The following CDON variants were observed in gnomAD, a reference collection of about 807,000 sequenced individuals.
CDON encodes the protein cell adhesion molecule-related/down-regulated by oncogenes.
CDON carries 73 observed loss-of-function variants against 120.9 expected under a neutral mutation model. The ratio of observed to expected loss-of-function variants is 0.60; its 90% confidence interval spans 0.50 to 0.73. CDON has a LOEUF of 0.73. CDON is among the 30% of genes least tolerant of loss of function. The probability of loss-of-function intolerance (pLI) is 0.00; values close to 1 mark genes in which losing one functional copy is unlikely to be tolerated. For synonymous variants in CDON, 566 were observed against 573.5 expected (o/e 0.99, Z 0.19); for missense variants, 1,470 against 1,587.3 (o/e 0.93, Z 1.26).
chr11:126,007,915 G>C (rs1440086057), intron 8 of CDON, among the ~76,000 whole-genome samples: 2 of 152,172 alleles, frequency 1.3e-5, no homozygotes, highest in Non-Finnish European at 2.9e-5. Flanking sequence ...GAAATGGGTA[G>C]AACAGGCATC....
At chr11:126,023,365 A>T (rs1947691593) in intron 2 of CDON, 36 bp downstream of exon 2, 1 of 1,331,056 alleles carries the variant, frequency 7.5e-7, no homozygotes, top group African/African-American at 1.4e-5. Context: ...AAGATGAGTA[A>T]AGGCCAAACC....
intron 9 of CDON, 188 bp downstream of exon 9, chr11:126,005,571 T>C (rs1947096545): frequency 4.8e-6 from 3 of 621,662 alleles, no homozygotes; most frequent in East Asian, 5.5e-5. Flanking sequence ...GGGGAAATTA[T>C]ACTTCATTCT....
intron 6 of CDON, 73 bp downstream of exon 6, chr11:126,017,015 G>C: frequency 8.1e-7 from 1 of 1,238,864 alleles, no homozygotes; most frequent in Non-Finnish European, 1.2e-6. Flanking sequence ...TTCACAAATA[G>C]ATCTTTCCTT....
intron 14 of CDON, among the ~76,000 whole-genome samples, chr11:125,992,052 G>C (rs1366219064): frequency 6.6e-6 from 1 of 152,082 alleles, no homozygotes; most frequent in Non-Finnish European, 1.5e-5. Context: ...ATGATGATGA[G>C]AGAGAGAAAA....
intron 1 of CDON, among the ~76,000 whole-genome samples, chr11:126,024,680 G>T (rs892186939): frequency 2.6e-5 from 4 of 152,194 alleles, no homozygotes; most frequent in Admixed American, 1.3e-4. Flanking sequence ...ATGTGTGAGT[G>T]TGGAGCTGTA....
chr11:126,037,348 C>T (rs1032963492), intron 1 of CDON, among the ~76,000 whole-genome samples: 3 of 152,100 alleles, frequency 2.0e-5, no homozygotes, highest in African/African-American at 7.2e-5. Context: ...GCTCTGCCCA[C>T]CTTAGCCTCC....
At chr11:125,981,965 A>ATTTTTTTTTTTT in intron 16 of CDON, among the ~76,000 whole-genome samples, 1 of 34,428 alleles carries the variant, frequency 2.9e-5, no homozygotes, top group Non-Finnish European at 6.8e-5. Context: ...AAGTGATTCT[A>ATTTTTTTTTTTT]TTTTCTTTTT....
intron 15 of CDON, among the ~76,000 whole-genome samples, chr11:125,986,318 G>C (rs1446313191): frequency 1.3e-5 from 2 of 152,050 alleles, no homozygotes; most frequent in Non-Finnish European, 2.9e-5. Flanking sequence ...GATGTGGGAG[G>C]GGTAGCATTA....
chr11:125,971,382 C>CTAAATAAA (rs374833815), intron 18 of CDON, among the ~76,000 whole-genome samples: 1,800 of 103,206 alleles, frequency 0.017, 24 homozygotes, highest in South Asian at 0.039. Context: ...GACTCTGTCT[C>CTAAATAAA]TAAATAAATA....
At chr11:126,041,643 G>A (rs773347614) in intron 1 of CDON, among the ~76,000 whole-genome samples, 5 of 152,212 alleles carry the variant, frequency 3.3e-5, no homozygotes, top group Non-Finnish European at 7.3e-5. Flanking sequence ...GATTTTAACA[G>A]TAGTGGACAA....
chr11:126,035,506 T>TC (rs1239804816), intron 1 of CDON, among the ~76,000 whole-genome samples: 5 of 152,152 alleles, frequency 3.3e-5, no homozygotes, highest in African/African-American at 1.2e-4. Flanking sequence ...GGGAATTAGG[T>TC]CAGACACAGC....
At chr11:126,012,202 T>C (rs74363598) in intron 7 of CDON, among the ~76,000 whole-genome samples, 10,169 of 152,274 alleles carry the variant, frequency 0.067, 471 homozygotes, top group Non-Finnish European at 0.11. Context: ...CCTTAAAATA[T>C]TATGATGGGA....
chr11:126,028,019 T>C (rs976623132), intron 1 of CDON, among the ~76,000 whole-genome samples: 1 of 151,898 alleles, frequency 6.6e-6, no homozygotes, highest in Non-Finnish European at 1.5e-5. Context: ...TTGAATTTTT[T>C]TAAAGCACTC....
At chr11:126,017,712 T>C (rs1591391339) in intron 5 of CDON, among the ~76,000 whole-genome samples, 1 of 151,996 alleles carries the variant, frequency 6.6e-6, no homozygotes, top group South Asian at 2.1e-4. Flanking sequence ...ATCTCTTTTT[T>C]TTTTTTTTCA....
At position 126,021,298 on chromosome 11, in the gene CDON, T is replaced by C. The variant is rs763492645; in HGVS notation, c.299A>G (p.Asn100Ser). 11 of 1,614,034 alleles carry C rather than the reference T, an allele frequency of 6.8e-6. No homozygotes were observed. In the African/African-American group the frequency reaches 8.0e-5, roughly 12 times the overall value. Residue 100 changes from asparagine (N) to serine (S), a missense_variant, in exon 3 of 20, where the codon AAC becomes AGC. By Grantham distance (46) the Asn-to-Ser change is conservative. Coordinates refer to ENST00000531738, the MANE Select transcript of CDON (RefSeq NM_001378964.1). ...SLLGYYQCLA[N>S]NSIGAIVSGP... ...ACTCACAATGGCACCGATGCTATTG[T>C]TGGCAAGGCACTGGTAGTAACCCAA...
In CDON at chr11:125,994,942, G is replaced by A. The variant is rs1017033855; in HGVS notation, c.2473C>T (p.Arg825Cys). 7.4e-6 allele frequency: 12 copies of A among 1,613,862 alleles called. No homozygotes were observed. The highest frequency in any genetic ancestry group is 1.1e-5 in the South Asian group (1 of 91,076). The change falls in exon 13 of 20, where the codon CGT (arginine) becomes TGT (cysteine). Residue 825 changes from arginine (R) to cysteine (C), a missense_variant. By Grantham distance (180) the Arg-to-Cys change is radical. Coordinates refer to ENST00000531738, the MANE Select transcript of CDON (RefSeq NM_001378964.1). The part of the protein sequence containing the change: ...VVGFPNRFSS[R>C]PITGPHIAYT... The stretch of plus-strand genomic sequence containing the variant: ...GCAATGTGAGGTCCAGTTATTGGAC[G>A]GCTGGAAAAGCGATTGGGGAACCCA...
Position 126,014,396 on chromosome 11 carries a change from C to T in CDON, c.1198+845G>A, listed in dbSNP as rs532938808. Among the ~76,000 whole-genome samples, 315 of 152,226 alleles carry T rather than the reference C, an allele frequency of 2.1e-3. 1 individual carries two copies. The highest frequency in any genetic ancestry group is 7.5e-3 in the African/African-American group (310 of 41,538). The stretch of plus-strand genomic sequence containing the variant: ...TTTTTACCTATCAGATTGGCAAAGA[C>T]TTTAAAAATTGACAATGCCCCATGT... On this transcript the variant is annotated intron_variant, in intron 7 of 19. Coordinates refer to ENST00000531738, the MANE Select transcript of CDON (RefSeq NM_001378964.1).
intron 9 of CDON, 174 bp from the exon 10 acceptor site, chr11:126,004,250 C>G (rs1947051335): frequency 1.4e-6 from 1 of 699,934 alleles, no homozygotes; most frequent in Non-Finnish European, 2.5e-6. Flanking sequence ...AATAGAAGAT[C>G]TGCTGCAAGA....
In CDON at chr11:125,985,724, A is replaced by G. The variant is rs188134503; in HGVS notation, c.2774-1631T>C. On this transcript the variant is annotated intron_variant, in intron 15 of 19. Transcript: ENST00000531738. ...ACAGACACATGAAAAAATGCTCATCATCTCTGGTCATCAAAGAAATGCAAA... is the reference window on the plus strand; with the variant it reads ...ACAGACACATGAAAAAATGCTCATCGTCTCTGGTCATCAAAGAAATGCAAA... Among the ~76,000 whole-genome samples the G allele has an allele frequency of 3.0e-3, 460 of 152,320 alleles. 3 individuals carry two copies. The highest frequency in any genetic ancestry group is 5.0e-3 in the Non-Finnish European group (341 of 68,024).
Sources: gnomAD v4.1 joint callset for allele counts (sites outside exome capture counted in the v4.1 genomes callset) on GRCh38, gnomAD v4.1.1 for gene constraint, MANE v1.5 for transcripts, NCBI Gene and HGNC (gene_info 2026-07-23, HGNC 2026-07-21) for gene names.